The following NBAS variants were observed in gnomAD, a reference collection of about 807,000 sequenced individuals.
NBAS encodes the protein NAG/BC035112 fusion.
In NBAS, 219 loss-of-function variants were observed where a neutral mutation model predicts 302.5. That is an observed-to-expected ratio of 0.72 (90% CI 0.65 to 0.81). The LOEUF is 0.81. Ranked by LOEUF, NBAS falls within the 30% of genes least tolerant of loss-of-function variation. The probability of loss-of-function intolerance (pLI) is 0.00; values close to 1 mark genes in which losing one functional copy is unlikely to be tolerated. For missense variants in NBAS, 2,932 were observed against 2,841.6 expected (o/e 1.03, Z -0.72); for synonymous variants, 1,118 against 1,021.6 (o/e 1.09, Z -1.80).
chr2:15,314,079 C>T lies in NBAS; in HGVS notation c.4583-4832G>A, dbSNP rs191902129. Among the ~76,000 whole-genome samples, 892 of 152,278 alleles carry T rather than the reference C, an allele frequency of 5.9e-3. 13 individuals carry two copies. The highest frequency in any genetic ancestry group is 0.021 in the African/African-American group (866 of 41,538). On this transcript the variant is annotated intron_variant, in intron 38 of 51. Transcript: ENST00000281513. Reference sequence around the variant, plus strand: ...AAAAAACAAGTATTAAAAGGCCGGGCATGGTGGCTCATGCCTGTAATCCCA... The same window carrying T: ...AAAAAACAAGTATTAAAAGGCCGGGTATGGTGGCTCATGCCTGTAATCCCA...
chr2:14,819,908 A>G, the NBAS span, among the ~76,000 whole-genome samples: 3 of 152,386 alleles, frequency 2.0e-5, no homozygotes, highest in South Asian at 6.2e-4. Flanking sequence ...AGGTATATGA[A>G]AAGGTCCTCA....
chr2:15,214,146 C>G (rs7564634), intron 48 of NBAS, among the ~76,000 whole-genome samples: 43,871 of 152,064 alleles, frequency 0.29, 6,920 homozygotes, highest in African/African-American at 0.42. Context: ...GACTGAAAGT[C>G]AGGAGTCCTG....
chr2:14,974,190 G>A, the NBAS span, among the ~76,000 whole-genome samples: 1 of 152,168 alleles, frequency 6.6e-6, no homozygotes, highest in African/African-American at 2.4e-5. Context: ...GCTCCTTGAG[G>A]GAAGATACCA....
chr2:15,292,666 T>A lies in NBAS; in HGVS notation c.4898A>T (p.His1633Leu). ...ATCCAGGAGACGTTCATTGTAGCAG[T>A]GTAACTGCTTGGTCAGTGAAATAAG... ...EDLISLTKQLHCYNERLLDFT... is the reference protein window; with the variant it reads ...EDLISLTKQLLCYNERLLDFT... Residue 1633 changes from histidine (H) to leucine (L), a missense_variant, in exon 41 of 52, where the codon CAC becomes CTC. Transcript: ENST00000281513. 6.2e-7 allele frequency: 1 copy of A among 1,614,186 alleles called. No homozygotes were observed. Among genetic ancestry groups the A allele is most frequent in the Non-Finnish European group, 8.5e-7 (1 of 1,180,034 alleles).
At chr2:14,872,871 G>A in the NBAS span, among the ~76,000 whole-genome samples, 15 of 152,002 alleles carry the variant, frequency 9.9e-5, no homozygotes, top group Non-Finnish European at 1.5e-4. Context: ...CGGCGCCTCC[G>A]GAGTTGTTTG....
chr2:15,396,490 G>GA lies in NBAS; in HGVS notation c.3072-16dup. The stretch of plus-strand genomic sequence containing the variant: ...CTGTCTTATCACTAATAAATTAAAA[G>GA]AAGAAAAAAAAAAGCCCTTAAGTTT... On this transcript the variant is annotated splice_polypyrimidine_tract_variant and intron_variant, in intron 26 of 51. Coordinates refer to ENST00000281513, the MANE Select transcript of NBAS (RefSeq NM_015909.4). 6.8e-7 allele frequency: 1 copy of GA among 1,473,684 alleles called. No homozygotes were observed. The highest frequency in any genetic ancestry group is 1.5e-5 in the South Asian group (1 of 67,778). 91.3% of individuals were successfully genotyped at this position (1,473,684 alleles called of 1,614,324 possible).
chr2:15,417,151 AC>A, intron 24 of NBAS, among the ~76,000 whole-genome samples: 1 of 152,184 alleles, frequency 6.6e-6, no homozygotes, highest in East Asian at 1.9e-4. Flanking sequence ...TCAAACAACC[AC>A]CCGGTCCTCT....
At chr2:15,040,009 G>A in the NBAS span, among the ~76,000 whole-genome samples, 2 of 152,200 alleles carry the variant, frequency 1.3e-5, no homozygotes, top group East Asian at 3.9e-4. Context: ...CCCGTCTCCA[G>A]AGAGAATGAC....
chr2:15,277,978 G>A (rs924343716), intron 42 of NBAS, among the ~76,000 whole-genome samples: 2 of 152,070 alleles, frequency 1.3e-5, no homozygotes, highest in Non-Finnish European at 2.9e-5. Context: ...ATTCACAGAA[G>A]TACCCAGGTT....
At chr2:15,460,783 A>G (rs916278959) in intron 21 of NBAS, among the ~76,000 whole-genome samples, 17 of 152,218 alleles carry the variant, frequency 1.1e-4, no homozygotes, top group African/African-American at 4.1e-4. Context: ...GTGCCTGTGG[A>G]ATTTCCTATG....
chr2:15,003,057 C>T, the NBAS span, among the ~76,000 whole-genome samples: 4 of 152,362 alleles, frequency 2.6e-5, no homozygotes, highest in Non-Finnish European at 5.9e-5. Flanking sequence ...GCGCCGAGAG[C>T]GAGCGAGGGC....
chr2:14,979,793 C>T, the NBAS span, among the ~76,000 whole-genome samples: 2 of 152,112 alleles, frequency 1.3e-5, no homozygotes, highest in East Asian at 1.9e-4. Context: ...TCCCAGGACA[C>T]GGAATAGATA....
chr2:15,011,406 C>A, the NBAS span, among the ~76,000 whole-genome samples: 6 of 152,096 alleles, frequency 3.9e-5, no homozygotes, highest in Non-Finnish European at 8.8e-5. Flanking sequence ...TATTAAACCT[C>A]TTTTTTAAAA....
chr2:15,486,657 T>C (rs968593884), intron 12 of NBAS, among the ~76,000 whole-genome samples: 2 of 152,214 alleles, frequency 1.3e-5, no homozygotes, highest in East Asian at 1.9e-4. Context: ...TCCTGTCCCA[T>C]TACTTTTCTG....
At chr2:15,368,190 AC>A (rs1674306624) in intron 31 of NBAS, among the ~76,000 whole-genome samples, 1 of 110,334 alleles carries the variant, frequency 9.1e-6, no homozygotes, top group Non-Finnish European at 1.8e-5. Flanking sequence ...TAATGTTTTG[AC>A]TTTTTTTTTT....
chr2:14,873,360 G>A, the NBAS span, among the ~76,000 whole-genome samples: 4 of 152,266 alleles, frequency 2.6e-5, no homozygotes, highest in East Asian at 1.9e-4. Context: ...GATTATAGGC[G>A]TGTGCCACCA....
chr2:15,242,670 T>A (rs1335315328), intron 44 of NBAS, among the ~76,000 whole-genome samples: 1 of 151,702 alleles, frequency 6.6e-6, no homozygotes, highest in South Asian at 2.1e-4. Flanking sequence ...CTTTACTGTA[T>A]CTAGTGGCCC....
At chr2:15,235,058 T>C (rs1667533235) in intron 45 of NBAS, among the ~76,000 whole-genome samples, 1 of 152,182 alleles carries the variant, frequency 6.6e-6, no homozygotes, top group Admixed American at 6.5e-5. Flanking sequence ...TGAGATAATA[T>C]AATGGTCAGT....
intron 51 of NBAS, chr2:15,178,003 C>T (rs1048932514): frequency 5.7e-6 from 2 of 351,108 alleles, no homozygotes; most frequent in Non-Finnish European, 1.2e-5. Flanking sequence ...TTATATTCTG[C>T]TTTCTGTAAC....
Sources: gnomAD v4.1 joint callset for allele counts (sites outside exome capture counted in the v4.1 genomes callset) on GRCh38, gnomAD v4.1.1 for gene constraint, MANE v1.5 for transcripts, NCBI Gene and HGNC (gene_info 2026-07-23, HGNC 2026-07-21) for gene names.